Variants in EPB41L3 observed in about 807,000 individuals in gnomAD.
EPB41L3 encodes the protein erythrocyte membrane protein band 4.1 like 3.
Under a neutral mutation model 127.1 loss-of-function variants are expected in EPB41L3, and 57 were observed. The observed-to-expected ratio is 0.45, with a 90% CI of 0.36 to 0.56. The LOEUF is 0.56. Ranked by LOEUF, EPB41L3 falls within the 20% of genes least tolerant of loss-of-function variation. The pLI, the probability that EPB41L3 is intolerant of heterozygous loss-of-function variation, is 0.00. For synonymous variants in EPB41L3, 572 were observed against 549.5 expected (o/e 1.04, Z -0.57); for missense variants, 1,273 against 1,372.2 (o/e 0.93, Z 1.14).
chr18:5,610,321 T>C lies in EPB41L3; in HGVS notation c.-306+2019A>G, dbSNP rs147266027. 2.0e-3 allele frequency: 2,007 copies of C among 984,930 alleles called. 6 individuals are homozygous for C. The highest frequency in any genetic ancestry group is 0.012 in the South Asian group (245 of 21,278). The allele number at this position is 984,930 out of a possible 1,614,324, so 61.0% of individuals were successfully genotyped here. A position where few individuals can be genotyped will look rare whatever the true frequency, so the allele number is the denominator to read the frequency against. ...CCCATTCTGAGCACGAGAATGACAC[T>C]TCCCTCCTTTCTAGAAGCCACCCCA... On this transcript the variant is annotated intron_variant, in intron 3 of 21. Coordinates refer to the EPB41L3 transcript ENST00000545076.
intron 1 of EPB41L3, among the ~76,000 whole-genome samples, chr18:5,495,923 T>C (rs982899942): frequency 8.1e-4 from 123 of 152,278 alleles, no homozygotes; most frequent in African/African-American, 2.9e-3. Context: ...TACCTGATCC[T>C]ACTGACAAGG....
chr18:5,446,556 T>C (rs1436771258), intron 3 of EPB41L3, among the ~76,000 whole-genome samples: 1 of 152,150 alleles, frequency 6.6e-6, no homozygotes, highest in Non-Finnish European at 1.5e-5. Context: ...CAATGAGAAA[T>C]ATGAAAATTG....
intron 3 of EPB41L3, among the ~76,000 whole-genome samples, chr18:5,460,794 T>TA (rs2083867133): frequency 6.6e-6 from 1 of 152,200 alleles, no homozygotes; most frequent in Non-Finnish European, 1.5e-5. Context: ...CTGTGCCTGT[T>TA]AGAGATCTCA....
chr18:5,406,661 CAT>C (rs2075431709), intron 16 of EPB41L3, 114 bp downstream of exon 16: 1 of 938,170 alleles, frequency 1.1e-6, no homozygotes, highest in Non-Finnish European at 1.6e-6. Flanking sequence ...TCAGGTTAAA[CAT>C]AGGTAGGAAG....
chr18:5,629,265 G>A (rs917938586), upstream of EPB41L3, among the ~76,000 whole-genome samples: 27 of 151,930 alleles, frequency 1.8e-4, no homozygotes, highest in Non-Finnish European at 1.5e-5. Flanking sequence ...GCTGGAGCTG[G>A]AGGAGAGGAG....
chr18:5,527,230 G>A (rs553316316), intron 1 of EPB41L3, among the ~76,000 whole-genome samples: 2 of 152,220 alleles, frequency 1.3e-5, no homozygotes, highest in South Asian at 2.1e-4. Flanking sequence ...CTCATTGCTC[G>A]GTGGGGTAAG....
intron 2 of EPB41L3, chr18:5,612,451 T>C (rs2094738469): frequency 6.6e-6 from 1 of 152,220 alleles, no homozygotes; most frequent in Non-Finnish European, 1.5e-5. Context: ...CCATGCCAGG[T>C]GTTCTTGATG....
chr18:5,559,907 G>C (rs2149196817), intron 3 of EPB41L3, among the ~76,000 whole-genome samples: 1 of 152,174 alleles, frequency 6.6e-6, no homozygotes, highest in African/African-American at 2.4e-5. Context: ...CTATGACCTT[G>C]GTTACTACAT....
At chr18:5,608,821 G>C (rs1039849411) in intron 3 of EPB41L3, among the ~76,000 whole-genome samples, 3 of 152,090 alleles carry the variant, frequency 2.0e-5, no homozygotes, top group Admixed American at 6.5e-5. Flanking sequence ...TGGAACTAAA[G>C]AATCATAACA....
chr18:5,513,042 G>C (rs1173178816), intron 1 of EPB41L3, among the ~76,000 whole-genome samples: 1 of 152,180 alleles, frequency 6.6e-6, no homozygotes, highest in South Asian at 2.1e-4. Flanking sequence ...TGGATGGTAT[G>C]TTCGATCCCT....
Position 5,596,892 on chromosome 18 carries a change from A to G in EPB41L3, c.-306+15448T>C, listed in dbSNP as rs118146717. On this transcript the variant is annotated intron_variant, in intron 3 of 21. Transcript: ENST00000545076. ...TTTAAAAATTATTTTTAAGGAGTTT[A>G]TTTTCCAGCATTTTGAAATCTCCTC... Among the ~76,000 whole-genome samples the G allele has an allele frequency of 3.0e-3, 453 of 152,084 alleles. 2 individuals carry two copies. The highest frequency in any genetic ancestry group is 4.1e-3 in the Non-Finnish European group (281 of 67,976).
rs535937845 is a variant in EPB41L3, at chr18:5,468,463, C to T, written c.381+9778G>A. On this transcript the variant is annotated intron_variant, in intron 3 of 22. Transcript: ENST00000341928. ...GGGCCAGTCAGCACGTACTTCCTCC[C>T]TTCTGAAGCCCATAAAAACTAGACT... Among the ~76,000 whole-genome samples, 8 of 152,320 alleles carry T rather than the reference C, an allele frequency of 5.3e-5. No homozygotes were observed. The East Asian group carries it at 1.2e-3, about 22-fold the overall frequency.
chr18:5,548,577 G>A (rs2093918904), upstream of EPB41L3, among the ~76,000 whole-genome samples: 1 of 152,056 alleles, frequency 6.6e-6, no homozygotes, highest in South Asian at 2.1e-4. Flanking sequence ...CCCATACATA[G>A]TATGTAAGTT....
intron 3 of EPB41L3, among the ~76,000 whole-genome samples, chr18:5,608,296 T>C (rs1456129081): frequency 6.6e-6 from 1 of 152,018 alleles, no homozygotes; most frequent in Non-Finnish European, 1.5e-5. Flanking sequence ...AGCAATCCCT[T>C]ACTGACCAAA....
chr18:5,566,287 G>A (rs1216387526), intron 3 of EPB41L3, among the ~76,000 whole-genome samples: 3 of 152,136 alleles, frequency 2.0e-5, no homozygotes, highest in Non-Finnish European at 2.9e-5. Flanking sequence ...CAAAATCAAT[G>A]TGCAAAAATC....
chr18:5,438,037 G>A lies in EPB41L3; in HGVS notation c.603C>T (p.Thr201=). 6.2e-7 allele frequency: 1 copy of A among 1,613,288 alleles called. No individual in the cohort carries two copies. Among genetic ancestry groups the A allele is most frequent in the Non-Finnish European group, 8.5e-7 (1 of 1,179,590 alleles). The change falls in exon 6 of 23, where the codon ACC becomes ACT. Residue 201 remains threonine, a splice_region_variant and synonymous_variant. Coordinates refer to ENST00000341928, the MANE Select transcript of EPB41L3 (RefSeq NM_012307.5). ...PDPAQLSEDI[T]RYYLCLQLRD... Reference sequence around the variant, plus strand: ...TTGCATAGCCAACTTTCAAATACCTGGTGATATCTTCAGATAGTTGGGCAG... The same window carrying A: ...TTGCATAGCCAACTTTCAAATACCTAGTGATATCTTCAGATAGTTGGGCAG...
rs1004653731 is a variant in EPB41L3, at chr18:5,393,226, A to G, written c.*259T>C. 3 of 412,558 alleles carry G rather than the reference A, an allele frequency of 7.3e-6. No individual in the cohort carries two copies. The highest frequency in any genetic ancestry group is 1.3e-5 in the Non-Finnish European group (3 of 233,202). 25.6% of individuals were successfully genotyped at this position (412,558 alleles called of 1,614,324 possible). Reference sequence around the variant, plus strand: ...GCTGAAAACTGAGACATTTTGTGAAAATTAAAAATGCTGCTCTTTTGTAAT... The same window carrying G: ...GCTGAAAACTGAGACATTTTGTGAAGATTAAAAATGCTGCTCTTTTGTAAT... On this transcript the variant is annotated 3_prime_UTR_variant, in exon 23 of 23. Coordinates refer to ENST00000341928, the MANE Select transcript of EPB41L3 (RefSeq NM_012307.5).
chr18:5,500,693 A>T (rs1005523482), intron 1 of EPB41L3, among the ~76,000 whole-genome samples: 7 of 152,214 alleles, frequency 4.6e-5, no homozygotes, highest in African/African-American at 9.7e-5. Context: ...CGTGCTTCTA[A>T]TTCCCTGTCT....
At chr18:5,481,903 A>G (rs539950412) in intron 2 of EPB41L3, among the ~76,000 whole-genome samples, 1 of 152,290 alleles carries the variant, frequency 6.6e-6, no homozygotes, top group African/African-American at 2.4e-5. Flanking sequence ...TTCTAAGCAA[A>G]CATATCCAAT....
Sources: gnomAD v4.1 joint callset for allele counts (sites outside exome capture counted in the v4.1 genomes callset) on GRCh38, gnomAD v4.1.1 for gene constraint, MANE v1.5 for transcripts, NCBI Gene and HGNC (gene_info 2026-07-23, HGNC 2026-07-21) for gene names.